The following ATRNL1 variants were observed in gnomAD, a reference collection of about 807,000 sequenced individuals.
ATRNL1 encodes the protein attractin-like protein 1.
In ATRNL1, 95 loss-of-function variants were observed where a neutral mutation model predicts 182.7. The ratio of observed to expected loss-of-function variants is 0.52; its 90% CI spans 0.44 to 0.62. The LOEUF is 0.62. ATRNL1 is among the 20% of genes least tolerant of loss of function. The pLI, the probability that ATRNL1 is intolerant of heterozygous loss-of-function variation, is 0.00. For missense variants in ATRNL1, 1,471 were observed against 1,679.5 expected (o/e 0.88, Z 2.17); for synonymous variants, 576 against 568.3 (o/e 1.01, Z -0.19).
intron 19 of ATRNL1, among the ~76,000 whole-genome samples, chr10:115,334,642 T>G (rs1425937778): frequency 6.6e-6 from 1 of 152,206 alleles, no homozygotes; most frequent in Non-Finnish European, 1.5e-5. Flanking sequence ...AATGCATGTT[T>G]CTTATTGTAA....
At chr10:115,219,869 C>T (rs1849380662) in intron 9 of ATRNL1, among the ~76,000 whole-genome samples, 1 of 152,040 alleles carries the variant, frequency 6.6e-6, no homozygotes, top group African/African-American at 2.4e-5. Context: ...TGCCACTGTC[C>T]TCCAGGCTGG....
intron 21 of ATRNL1, among the ~76,000 whole-genome samples, chr10:115,442,285 CTCTCTCTCTCTCTCTCTCTG>C (rs1248496600): frequency 2.5e-5 from 3 of 122,090 alleles, no homozygotes; most frequent in Non-Finnish European, 4.0e-5. Context: ...CTCTCTCTCT[CTCTCTCTCTCTCTCTCTCTG>C]TGTGTATGTG....
At chr10:115,368,664 C>T (rs1049740356) in intron 19 of ATRNL1, among the ~76,000 whole-genome samples, 4 of 152,130 alleles carry the variant, frequency 2.6e-5, no homozygotes, top group African/African-American at 2.4e-5. Flanking sequence ...CTTTTCCACA[C>T]CAGCTCCTGG....
chr10:115,862,672 T>A (rs1255458064), intron 28 of ATRNL1, among the ~76,000 whole-genome samples: 4 of 152,226 alleles, frequency 2.6e-5, no homozygotes, highest in Admixed American at 2.0e-4. Context: ...ACTTGTACTC[T>A]TTTGACCCAG....
At chr10:115,860,814 GTTC>G (rs1951299061) in intron 28 of ATRNL1, among the ~76,000 whole-genome samples, 1 of 151,986 alleles carries the variant, frequency 6.6e-6, no homozygotes, top group African/African-American at 2.4e-5. Context: ...CTTTCTTCTT[GTTC>G]TCATCTCTCT....
chr10:115,939,334 A>T (rs1555123635), intron 28 of ATRNL1, among the ~76,000 whole-genome samples: 1 of 152,160 alleles, frequency 6.6e-6, no homozygotes, highest in Non-Finnish European at 1.5e-5. Flanking sequence ...CAGTTTGAAA[A>T]CACCAAGAGA....
intron 26 of ATRNL1, among the ~76,000 whole-genome samples, chr10:115,683,551 T>TTTTG (rs1422598538): frequency 6.9e-6 from 1 of 145,314 alleles, no homozygotes; most frequent in African/African-American, 2.7e-5. Context: ...AACTAGCGTT[T>TTTTG]TTTTTTTTTT....
chr10:115,826,842 A>G (rs1389937184), intron 27 of ATRNL1, among the ~76,000 whole-genome samples: 5 of 152,174 alleles, frequency 3.3e-5, no homozygotes, highest in African/African-American at 1.2e-4. Context: ...GAAAGAACCA[A>G]TTGAAAAAGA....
chr10:115,655,513 T>A (rs1048341710), intron 26 of ATRNL1, among the ~76,000 whole-genome samples: 11 of 152,174 alleles, frequency 7.2e-5, no homozygotes, highest in African/African-American at 2.7e-4. Flanking sequence ...AAGATGATCA[T>A]CTCATTCTGT....
At chr10:115,523,391 G>T (rs1473294921) in intron 25 of ATRNL1, among the ~76,000 whole-genome samples, 1 of 152,116 alleles carries the variant, frequency 6.6e-6, no homozygotes, top group Non-Finnish European at 1.5e-5. Flanking sequence ...TTTTATTCAT[G>T]CTACTTTCTT....
chr10:115,930,558 CT>C (rs1242001837), intron 28 of ATRNL1, among the ~76,000 whole-genome samples: 1 of 152,144 alleles, frequency 6.6e-6, no homozygotes, highest in Non-Finnish European at 1.5e-5. Flanking sequence ...GTATAATTGG[CT>C]TAGCTAAAAT....
intron 19 of ATRNL1, among the ~76,000 whole-genome samples, chr10:115,368,221 C>A (rs1280397898): frequency 1.3e-5 from 2 of 152,248 alleles, no homozygotes; most frequent in Non-Finnish European, 2.9e-5. Flanking sequence ...GGGATATAAT[C>A]TCGCGGTGCG....
chr10:115,936,962 T>G (rs1452023390), intron 28 of ATRNL1, among the ~76,000 whole-genome samples: 1 of 152,204 alleles, frequency 6.6e-6, no homozygotes, highest in Non-Finnish European at 1.5e-5. Context: ...CCGAAATCAG[T>G]GGCAACAAAA....
At chr10:115,769,816 C>T (rs1291505905) in intron 27 of ATRNL1, among the ~76,000 whole-genome samples, 1 of 152,166 alleles carries the variant, frequency 6.6e-6, no homozygotes, top group African/African-American at 2.4e-5. Flanking sequence ...ATGCCTGTTA[C>T]ATATCATATC....
intron 27 of ATRNL1, among the ~76,000 whole-genome samples, chr10:115,762,072 C>T (rs1417539589): frequency 6.6e-6 from 1 of 152,214 alleles, no homozygotes; most frequent in Non-Finnish European, 1.5e-5. Context: ...TCATTATTCA[C>T]CAAAGCTTCT....
At chr10:115,611,854 A>G (rs1555019085) in intron 26 of ATRNL1, among the ~76,000 whole-genome samples, 1 of 152,206 alleles carries the variant, frequency 6.6e-6, no homozygotes, top group African/African-American at 2.4e-5. Flanking sequence ...AATAGTGGAT[A>G]TGATTTTTTA....
intron 19 of ATRNL1, among the ~76,000 whole-genome samples, chr10:115,334,693 TCTCACTATTCAA>T (rs1855400246): frequency 6.6e-6 from 1 of 152,194 alleles, no homozygotes; most frequent in African/African-American, 2.4e-5. Flanking sequence ...ACACCTACTA[TCTCACTATTCAA>T]AAATAATCAT....
rs537163719 is a variant in ATRNL1, at chr10:115,530,626, CT to C, written c.3716+11307del. 1.4e-3 allele frequency among the ~76,000 whole-genome samples: 219 copies of C among 151,666 alleles called. 2 individuals are homozygous for C. Among genetic ancestry groups the C allele is most frequent in the African/African-American group, 4.9e-3 (202 of 41,398 alleles). On this transcript the variant is annotated intron_variant, in intron 25 of 28. Transcript: ENST00000355044. ...TGTTCATGATTTGGGAAAAATAAGA[CT>C]TTTTATTATTATTATTATACTTTAA...
At chr10:115,709,110 A>C (rs1388475567) in intron 26 of ATRNL1, among the ~76,000 whole-genome samples, 2 of 151,874 alleles carry the variant, frequency 1.3e-5, no homozygotes, top group Non-Finnish European at 3.0e-5. Flanking sequence ...AAAAGGTAGC[A>C]GAGACCAGTT....
Sources: allele counts gnomAD v4.1 joint callset (sites outside exome capture counted in the v4.1 genomes callset), GRCh38; gene constraint gnomAD v4.1.1; transcripts MANE v1.5; gene names NCBI Gene and HGNC (gene_info 2026-07-23, HGNC 2026-07-21).